The following ELF4 variants were observed in gnomAD, a reference collection of about 807,000 sequenced individuals.
ELF4 encodes the protein E74 like ETS transcription factor 4.
In ELF4, 10 loss-of-function variants were observed where a neutral mutation model predicts 31.7. That is an observed-to-expected ratio of 0.32 (90% confidence interval 0.19 to 0.54). ELF4 has a LOEUF of 0.54. Ranked by LOEUF, ELF4 falls within the 20% of genes least tolerant of loss-of-function variation. ELF4 has a pLI of 0.95. For synonymous variants in ELF4, 208 were observed against 226.7 expected, an observed-to-expected ratio of 0.92 and a Z score of 0.74; for missense variants, 418 against 522.0, an observed-to-expected ratio of 0.80 and a Z score of 1.94.
chrX:130,093,824 T>A (rs1933099703), intron 1 of ELF4, among the ~76,000 whole-genome samples: 2 of 112,105 alleles, frequency 1.8e-5, no homozygotes, highest in Non-Finnish European at 3.8e-5. Flanking sequence ...CAAATGATGG[T>A]TCTGGATGGG....
At chrX:130,068,704 C>T (rs779809415) in intron 8 of ELF4, among the ~76,000 whole-genome samples, 4 of 112,709 alleles carry the variant, frequency 3.5e-5, no homozygotes, top group Non-Finnish European at 5.6e-5. Flanking sequence ...AGCTCTAAAA[C>T]ATTCTCTGTT....
At chrX:130,068,593 G>A (rs1932743658) in intron 8 of ELF4, among the ~76,000 whole-genome samples, 1 of 112,597 alleles carries the variant, frequency 8.9e-6, no homozygotes. Context: ...ACCCAACAAA[G>A]TCCAACCTTC....
chrX:130,111,511 G>T (rs1933489747), upstream of ELF4, among the ~76,000 whole-genome samples: 1 of 112,666 alleles, frequency 8.9e-6, no homozygotes, highest in Admixed American at 9.3e-5. Context: ...GGAACCATAT[G>T]CCCGACTCCG....
At chrX:130,068,569 G>C (rs1397477631) in intron 8 of ELF4, among the ~76,000 whole-genome samples, 1 of 112,309 alleles carries the variant, frequency 8.9e-6, no homozygotes, top group Non-Finnish European at 1.9e-5. Flanking sequence ...TGTAGTGGGA[G>C]GTCCAAACAC....
At position 130,065,156 on chromosome X, in the gene ELF4, AG is replaced by A. The variant is rs757689892; in HGVS notation, c.*1564del. 5 of 173,101 alleles carry A rather than the reference AG, an allele frequency of 2.9e-5. No individual in the cohort carries two copies. In the East Asian group the frequency reaches 3.3e-4, roughly 11 times the overall value. The allele number at this position is 173,101 out of a possible 1,213,427, so 14.3% of individuals were successfully genotyped here. On this transcript the variant is annotated 3_prime_UTR_variant, in exon 9 of 9. Coordinates refer to ENST00000308167, the MANE Select transcript of ELF4 (RefSeq NM_001421.4). ...TGGTTCTGTACCAAGGACACAGCAA[AG>A]GTCCTCAGGCACTGATTCACATTAC...
At chrX:130,088,533 A>G (rs1054778875) in intron 1 of ELF4, among the ~76,000 whole-genome samples, 1 of 111,570 alleles carries the variant, frequency 9.0e-6, no homozygotes, top group Admixed American at 9.5e-5. Flanking sequence ...CCAACACAGC[A>G]AAAGCCCGTC....
chrX:130,094,731 G>A (rs1475987299), intron 1 of ELF4, among the ~76,000 whole-genome samples: 1 of 111,392 alleles, frequency 9.0e-6, no homozygotes, highest in African/African-American at 3.3e-5. Context: ...GAGTGAATAC[G>A]GCTTCACAGC....
intron 1 of ELF4, among the ~76,000 whole-genome samples, chrX:130,084,896 A>C (rs770519539): frequency 8.9e-6 from 1 of 112,522 alleles, no homozygotes; most frequent in Non-Finnish European, 1.9e-5. Flanking sequence ...CCACCATCAT[A>C]GGAGGTGCGC....
At chrX:130,072,190 T>C (rs1464340313) in intron 5 of ELF4, 36 bp downstream of exon 5, 18 of 559,704 alleles carry the variant, frequency 3.2e-5, no homozygotes, top group Non-Finnish European at 5.2e-5. Context: ...GCCCATCCCC[T>C]CGGAGACACA....
intron 5 of ELF4, among the ~76,000 whole-genome samples, chrX:130,071,886 G>A (rs926325558): frequency 5.3e-5 from 6 of 112,528 alleles, no homozygotes; most frequent in African/African-American, 9.7e-5. Flanking sequence ...ATAAGCACCC[G>A]GCATGACTGG....
At chrX:130,093,306 GA>G (rs5903792) in intron 1 of ELF4, among the ~76,000 whole-genome samples, 10,297 of 90,014 alleles carry the variant, frequency 0.11, 511 homozygotes, top group East Asian at 0.21. Context: ...CTCTGTCTCA[GA>G]AAAAAAAAAA....
intron 1 of ELF4, among the ~76,000 whole-genome samples, chrX:130,086,972 C>G (rs1932971141): frequency 8.9e-6 from 1 of 112,310 alleles, no homozygotes; most frequent in African/African-American, 3.2e-5. Flanking sequence ...CCTGTCCTCA[C>G]CCCGCCCCAG....
rs184206398 is a variant in ELF4 at position 130,105,422 on chromosome X, T to A, written c.-210+4903A>T. On this transcript the variant is annotated intron_variant, in intron 1 of 8. Coordinates refer to ENST00000308167, the MANE Select transcript of ELF4 (RefSeq NM_001421.4). The stretch of plus-strand genomic sequence containing the variant: ...CAAGAAGTCAGGGCCCTCTGGTATG[T>A]CCCTTTGGTGTTGAAATGTGCTGGG... Among the ~76,000 whole-genome samples, 157 of 111,372 alleles carry A rather than the reference T, an allele frequency of 1.4e-3. 1 individual carries two copies. The highest frequency in any genetic ancestry group is 5.0e-3 in the African/African-American group (154 of 30,588).
At chrX:130,073,793 T>C (rs1221051071) in intron 4 of ELF4, among the ~76,000 whole-genome samples, 2 of 112,910 alleles carry the variant, frequency 1.8e-5, no homozygotes, top group African/African-American at 6.4e-5. Context: ...ATTACAGGCG[T>C]GAGCCACCGT....
intron 1 of ELF4, among the ~76,000 whole-genome samples, chrX:130,101,764 A>C (rs1389443204): frequency 9.1e-6 from 1 of 109,301 alleles, no homozygotes; most frequent in Non-Finnish European, 1.9e-5. Context: ...ACGCCATTGC[A>C]CTCCAGCCTG....
At chrX:130,092,038 C>T (rs974141718) in intron 1 of ELF4, among the ~76,000 whole-genome samples, 2 of 112,092 alleles carry the variant, frequency 1.8e-5, no homozygotes, top group Admixed American at 9.4e-5. Context: ...TTTCTGCCCT[C>T]CTCTCGGAAT....
chrX:130,072,483 G>A lies in ELF4; in HGVS notation c.341-66C>T, dbSNP rs748066792. The A allele has an allele frequency of 1.4e-3, 1,553 of 1,114,561 alleles. 4 individuals carry two copies. The highest frequency in any genetic ancestry group is 1.5e-3 in the Non-Finnish European group (1,201 of 809,508). 91.9% of individuals were successfully genotyped at this position (1,114,561 alleles called of 1,213,427 possible). ...GGCTGGAGCGGGGTCTCCCAGCGCT[G>A]GAGAGACGGGTAGGTTCCAAGGGAG... On this transcript the variant is annotated intron_variant, in intron 4 of 8. Coordinates refer to ENST00000308167, the MANE Select transcript of ELF4 (RefSeq NM_001421.4).
chrX:130,089,166 T>C (rs1243366277), intron 1 of ELF4, among the ~76,000 whole-genome samples: 1 of 110,070 alleles, frequency 9.1e-6, no homozygotes, highest in African/African-American at 3.3e-5. Flanking sequence ...CGAGAGCTCC[T>C]GGGGTTCCTC....
At chrX:130,106,592 T>C (rs1933383514) in intron 1 of ELF4, among the ~76,000 whole-genome samples, 1 of 111,585 alleles carries the variant, frequency 9.0e-6, no homozygotes, top group Non-Finnish European at 1.9e-5. Flanking sequence ...TTGGTGTTGA[T>C]GAGAAAAGCC....
Sources: allele counts gnomAD v4.1 joint callset (sites outside exome capture counted in the v4.1 genomes callset), GRCh38; gene constraint gnomAD v4.1.1; transcripts MANE v1.5; gene names NCBI Gene and HGNC (gene_info 2026-07-23, HGNC 2026-07-21).